ULK4: variants seen among roughly 807,000 people sequenced by gnomAD.
ULK4 encodes the protein unc-51 like kinase 4.
Under a neutral mutation model 160.6 loss-of-function variants are expected in ULK4, and 133 were observed. The ratio of observed to expected loss-of-function variants is 0.83; its 90% CI spans 0.72 to 0.96. The LOEUF is 0.96. Ranked by LOEUF, ULK4 falls within the 40% of genes least tolerant of loss-of-function variation. The pLI is 0.00. For missense variants in ULK4, 1,580 were observed against 1,499.5 expected (o/e 1.05, Z -0.89); for synonymous variants, 534 against 539.8 (o/e 0.99, Z 0.15).
At chr3:41,355,033 A>C (rs2081000637) in intron 35 of ULK4, among the ~76,000 whole-genome samples, 1 of 152,184 alleles carries the variant, frequency 6.6e-6, no homozygotes, top group Non-Finnish European at 1.5e-5. Context: ...ACCACACTGG[A>C]AAGTAGCTAG....
intron 27 of ULK4, among the ~76,000 whole-genome samples, chr3:41,703,868 ACACAC>A (rs879659918): frequency 0.046 from 6,812 of 149,666 alleles, 320 homozygotes; most frequent in African/African-American, 0.12. Context: ...ACACACACAC[ACACAC>A]ACAAGTTAAC....
chr3:41,384,197 C>T (rs536648516), intron 35 of ULK4, among the ~76,000 whole-genome samples: 1 of 151,938 alleles, frequency 6.6e-6, no homozygotes, highest in Non-Finnish European at 1.5e-5. Context: ...GTATAAGGGG[C>T]CACTATCAAT....
intron 27 of ULK4, among the ~76,000 whole-genome samples, chr3:41,696,462 G>T (rs931790132): frequency 1.3e-5 from 2 of 152,098 alleles, no homozygotes; most frequent in African/African-American, 4.8e-5. Flanking sequence ...CATTGGAAAT[G>T]ACTCACACTC....
intron 35 of ULK4, among the ~76,000 whole-genome samples, chr3:41,249,820 A>G (rs1281965467): frequency 6.6e-6 from 1 of 152,178 alleles, no homozygotes; most frequent in African/African-American, 2.4e-5. Flanking sequence ...GCTGGGGCAG[A>G]AGACGGCCAG....
In ULK4 at chr3:41,852,114, C is replaced by T. The variant is rs541518506; in HGVS notation, c.1657-16143G>A. Among the ~76,000 whole-genome samples the T allele has an allele frequency of 3.5e-3, 528 of 152,190 alleles. 2 individuals are homozygous for T. Among genetic ancestry groups the T allele is most frequent in the African/African-American group, 0.012 (494 of 41,522 alleles). ...TCAGAGAATACTATAAATACCTCTA[C>T]GCAAATAAACTAGAAAATCTAGAAG... On this transcript the variant is annotated intron_variant, in intron 17 of 36. Coordinates refer to ENST00000301831, the MANE Select transcript of ULK4 (RefSeq NM_017886.4).
chr3:41,281,369 T>C (rs955245942), intron 35 of ULK4, among the ~76,000 whole-genome samples: 4 of 152,180 alleles, frequency 2.6e-5, no homozygotes, highest in African/African-American at 9.7e-5. Context: ...TTTGGACCAA[T>C]ATCCCTGATG....
chr3:41,687,202 G>A (rs561519871), intron 27 of ULK4, among the ~76,000 whole-genome samples: 4 of 152,120 alleles, frequency 2.6e-5, no homozygotes, highest in African/African-American at 7.2e-5. Flanking sequence ...GTGAAACCCC[G>A]TATCTACTAA....
At chr3:41,606,328 C>G (rs971170622) in intron 31 of ULK4, among the ~76,000 whole-genome samples, 4 of 151,992 alleles carry the variant, frequency 2.6e-5, no homozygotes, top group Non-Finnish European at 1.5e-5. Flanking sequence ...CTTTTTATAG[C>G]TGAATAGTAA....
At chr3:41,378,430 C>T (rs1033690315) in intron 35 of ULK4, among the ~76,000 whole-genome samples, 1 of 151,298 alleles carries the variant, frequency 6.6e-6, no homozygotes, top group Non-Finnish European at 1.5e-5. Context: ...CTTACATATA[C>T]ACCATGGAAT....
chr3:41,377,700 C>T (rs1432029118), intron 35 of ULK4, among the ~76,000 whole-genome samples: 2,320 of 145,056 alleles, frequency 0.016, 62 homozygotes, highest in African/African-American at 0.06. Context: ...GTTAGAATGG[C>T]GATCATTAAA....
chr3:41,830,435 T>C (rs1287816276), intron 18 of ULK4, among the ~76,000 whole-genome samples: 1 of 151,978 alleles, frequency 6.6e-6, no homozygotes, highest in East Asian at 1.9e-4. Flanking sequence ...AAATCAGTGG[T>C]AGTATGGAGA....
intron 28 of ULK4, 24 bp from the exon 29 acceptor site, chr3:41,681,676 A>C (rs1199578310): frequency 1.1e-5 from 17 of 1,613,166 alleles, no homozygotes; most frequent in African/African-American, 1.3e-5. Context: ...AAAAATGCCA[A>C]GAATGTGACT....
At chr3:41,952,346 A>T (rs1354976851) in intron 2 of ULK4, among the ~76,000 whole-genome samples, 1 of 152,220 alleles carries the variant, frequency 6.6e-6, no homozygotes, top group Admixed American at 6.5e-5. Context: ...AAGTCGTAAA[A>T]CTCAGCAAGA....
intron 34 of ULK4, among the ~76,000 whole-genome samples, chr3:41,437,839 G>A (rs1361461169): frequency 6.6e-6 from 1 of 152,118 alleles, no homozygotes; most frequent in African/African-American, 2.4e-5. Flanking sequence ...TTCTTGAAGG[G>A]ATATAAGGGA....
intron 35 of ULK4, among the ~76,000 whole-genome samples, chr3:41,388,514 C>T (rs528244183): frequency 2.2e-4 from 33 of 152,150 alleles, no homozygotes; most frequent in South Asian, 2.1e-4. Flanking sequence ...TTAGGTCTAA[C>T]GTGTAAGTCT....
intron 32 of ULK4, among the ~76,000 whole-genome samples, chr3:41,554,936 T>A (rs2087231492): frequency 6.6e-6 from 1 of 152,012 alleles, no homozygotes; most frequent in Non-Finnish European, 1.5e-5. Flanking sequence ...TGAGAGAACA[T>A]ACACCAAAAC....
intron 17 of ULK4, among the ~76,000 whole-genome samples, chr3:41,865,558 T>C (rs2042597325): frequency 6.6e-6 from 1 of 152,140 alleles, no homozygotes; most frequent in Admixed American, 6.5e-5. Context: ...CGTTGCTCCT[T>C]CTCAGTCTCC....
chr3:41,288,919 C>A (rs1356006499), intron 35 of ULK4, among the ~76,000 whole-genome samples: 1 of 152,108 alleles, frequency 6.6e-6, no homozygotes, highest in Non-Finnish European at 1.5e-5. Flanking sequence ...CATCTTTGGG[C>A]CTCACTCTGT....
At chr3:41,254,750 A>G (rs2078802257) in intron 35 of ULK4, among the ~76,000 whole-genome samples, 1 of 151,668 alleles carries the variant, frequency 6.6e-6, no homozygotes, top group South Asian at 2.1e-4. Flanking sequence ...GGCGTGGTGG[A>G]GGGTGCTTGT....
Sources: allele counts gnomAD v4.1 joint callset (sites outside exome capture counted in the v4.1 genomes callset), GRCh38; gene constraint gnomAD v4.1.1; transcripts MANE v1.5; gene names NCBI Gene and HGNC (gene_info 2026-07-23, HGNC 2026-07-21).